The following PTPRD variants were observed in gnomAD, a reference collection of about 807,000 sequenced individuals.
The protein encoded by PTPRD is protein tyrosine phosphatase receptor type D.
In PTPRD, 34 loss-of-function variants were observed where a neutral mutation model predicts 214.5. That is an observed-to-expected ratio of 0.16 (90% confidence interval 0.12 to 0.21). The LOEUF (loss-of-function observed/expected upper bound fraction) is 0.21, where lower values mean the gene tolerates loss of function less well. PTPRD is among the 10% of genes least tolerant of loss of function. The pLI is 1.00. For missense variants in PTPRD, 2,545 were observed against 2,398.7 expected, an observed-to-expected ratio of 1.06 and a Z score of -1.27; for synonymous variants, 1,128 against 845.7, an observed-to-expected ratio of 1.33 and a Z score of -5.79.
intron 5 of PTPRD, among the ~76,000 whole-genome samples, chr9:9,869,928 T>C (rs1033167167): frequency 3.9e-5 from 6 of 151,958 alleles, no homozygotes; most frequent in Admixed American, 1.3e-4. Context: ...CATTAAGCAA[T>C]GGTTGCTAAT....
chr9:8,667,680 A>AAAATAT (rs1215844953), intron 12 of PTPRD, among the ~76,000 whole-genome samples: 2 of 152,168 alleles, frequency 1.3e-5, no homozygotes, highest in African/African-American at 4.8e-5. Context: ...AGGTAAATAT[A>AAAATAT]AAATATAAAT....
chr9:10,040,106 G>T (rs2097268183), intron 3 of PTPRD, among the ~76,000 whole-genome samples: 1 of 152,144 alleles, frequency 6.6e-6, no homozygotes, highest in East Asian at 1.9e-4. Flanking sequence ...AGCAAAATCA[G>T]TGTTTGGTAG....
rs566694598 is a variant in PTPRD at position 9,867,748 on chromosome 9, G to A, written c.-368+70759C>T. Among the ~76,000 whole-genome samples, 5 of 152,244 alleles carry A rather than the reference G, an allele frequency of 3.3e-5. No individual in the cohort carries two copies. In the East Asian group the frequency reaches 5.8e-4, roughly 18 times the overall value. On this transcript the variant is annotated intron_variant, in intron 5 of 45. Transcript: ENST00000381196. ...TTCTCTTAGGTCAAGAAATTATGGA[G>A]TTGGCAGGCAAGTAGGTTTAAGCTC...
chr9:9,561,515 A>G (rs2082941344), intron 8 of PTPRD, among the ~76,000 whole-genome samples: 2 of 152,242 alleles, frequency 1.3e-5, no homozygotes, highest in African/African-American at 2.4e-5. Context: ...CTGATTTATC[A>G]TCAAACCATT....
chr9:9,793,137 G>T (rs996321189), intron 5 of PTPRD, among the ~76,000 whole-genome samples: 2 of 152,014 alleles, frequency 1.3e-5, no homozygotes, highest in Admixed American at 6.5e-5. Flanking sequence ...TACAGGACCT[G>T]AAATTCCATT....
intron 7 of PTPRD, among the ~76,000 whole-genome samples, chr9:9,731,010 TAC>T (rs1324673659): frequency 6.6e-6 from 1 of 152,130 alleles, no homozygotes; most frequent in Non-Finnish European, 1.5e-5. Flanking sequence ...TTGCCAGAAC[TAC>T]ACACACAGAT....
chr9:9,806,485 G>A (rs1319185263), intron 5 of PTPRD, among the ~76,000 whole-genome samples: 2 of 151,988 alleles, frequency 1.3e-5, no homozygotes, highest in Non-Finnish European at 2.9e-5. Flanking sequence ...CCTTGTGAAT[G>A]TACTTTGTAA....
At chr9:10,341,315 C>A (rs1268289241) in intron 2 of PTPRD, among the ~76,000 whole-genome samples, 1 of 150,394 alleles carries the variant, frequency 6.6e-6, no homozygotes, top group Non-Finnish European at 1.5e-5. Flanking sequence ...CAGAATATTA[C>A]CTAAAGAAAA....
intron 3 of PTPRD, among the ~76,000 whole-genome samples, chr9:10,293,938 C>G (rs528552544): frequency 7.9e-5 from 12 of 152,016 alleles, no homozygotes; most frequent in Admixed American, 7.2e-4. Flanking sequence ...TGTGGTTGCT[C>G]AGTAATATGC....
At chr9:9,841,442 T>C (rs750852719) in intron 5 of PTPRD, among the ~76,000 whole-genome samples, 1 of 152,120 alleles carries the variant, frequency 6.6e-6, no homozygotes, top group Non-Finnish European at 1.5e-5. Context: ...TTGGGATAAG[T>C]AGTACATGAG....
At chr9:8,374,760 T>A (rs2082717295) in intron 39 of PTPRD, among the ~76,000 whole-genome samples, 1 of 152,048 alleles carries the variant, frequency 6.6e-6, no homozygotes, top group Non-Finnish European at 1.5e-5. Context: ...TACTAGTTTT[T>A]ATCTAGGAAA....
At chr9:9,905,168 G>T (rs1005636481) in intron 5 of PTPRD, among the ~76,000 whole-genome samples, 1 of 151,834 alleles carries the variant, frequency 6.6e-6, no homozygotes, top group Non-Finnish European at 1.5e-5. Flanking sequence ...TTTTTTCAAA[G>T]TTCTTTCTAG....
chr9:8,726,585 A>G (rs2098564192), intron 12 of PTPRD, among the ~76,000 whole-genome samples: 1 of 18,582 alleles, frequency 5.4e-5, no homozygotes, highest in Non-Finnish European at 9.9e-5. Context: ...AAAAAAAAAA[A>G]AAAATATATA....
At chr9:8,447,014 T>G (rs1381931401) in intron 34 of PTPRD, among the ~76,000 whole-genome samples, 1 of 152,228 alleles carries the variant, frequency 6.6e-6, no homozygotes, top group Non-Finnish European at 1.5e-5. Context: ...CTATTTCCTT[T>G]GTAAAATGGT....
At chr9:10,007,387 G>T (rs1299514743) in intron 4 of PTPRD, among the ~76,000 whole-genome samples, 1 of 151,780 alleles carries the variant, frequency 6.6e-6, no homozygotes, top group Non-Finnish European at 1.5e-5. Flanking sequence ...GCTTTAATTC[G>T]ACCAAAAGCA....
intron 35 of PTPRD, among the ~76,000 whole-genome samples, chr9:8,411,646 T>C (rs899208838): frequency 6.6e-5 from 10 of 152,208 alleles, no homozygotes; most frequent in African/African-American, 2.4e-4. Context: ...TCCTGAATAT[T>C]ACTAAATGCA....
intron 2 of PTPRD, among the ~76,000 whole-genome samples, chr9:10,522,741 T>C (rs998471303): frequency 1.3e-5 from 2 of 152,082 alleles, no homozygotes; most frequent in Non-Finnish European, 2.9e-5. Context: ...GACTGAAAAC[T>C]GAGAAAGAAA....
intron 7 of PTPRD, among the ~76,000 whole-genome samples, chr9:9,642,521 T>C (rs1478455355): frequency 2.6e-5 from 4 of 152,328 alleles, no homozygotes; most frequent in South Asian, 4.1e-4. Flanking sequence ...AATTTTGAGT[T>C]GGTCTGGTGA....
At chr9:8,318,995 A>G (rs757956983) in intron 45 of PTPRD, among the ~76,000 whole-genome samples, 3 of 152,102 alleles carry the variant, frequency 2.0e-5, no homozygotes, top group South Asian at 2.1e-4. Context: ...TTACTTTCCT[A>G]TCTTGTCACA....
Sources: allele counts gnomAD v4.1 joint callset (sites outside exome capture counted in the v4.1 genomes callset), GRCh38; gene constraint gnomAD v4.1.1; transcripts MANE v1.5; gene names NCBI Gene and HGNC (gene_info 2026-07-23, HGNC 2026-07-21).